The following KDM4D variants were observed in gnomAD, a reference collection of about 807,000 sequenced individuals.
KDM4D encodes lysine demethylase 4D, also known as lysine-specific demethylase 4D.
For synonymous variants in KDM4D, 254 were observed against 249.1 expected (o/e 1.02, Z -0.19); for missense variants, 427 against 674.8 (o/e 0.63, Z 4.07).
chr11:94,997,293 A>T lies in KDM4D; in HGVS notation c.-80A>T, dbSNP rs144468628. On this transcript the variant is annotated 5_prime_UTR_variant, in exon 3 of 3. Coordinates refer to ENST00000335080, the MANE Select transcript of KDM4D (RefSeq NM_018039.3). ...CTACCTCATAGATAACACCAGTCAAATTTTTTTTTAAAGTAGCATTTTCCT... is the reference window on the plus strand; with the variant it reads ...CTACCTCATAGATAACACCAGTCAATTTTTTTTTTAAAGTAGCATTTTCCT... 44 of 1,175,182 alleles carry T rather than the reference A, an allele frequency of 3.7e-5. No homozygotes were observed. The Admixed American group carries it at 7.0e-4, about 19-fold the overall frequency. The allele number at this position is 1,175,182 out of a possible 1,614,324, so 72.8% of individuals were successfully genotyped here. A position where few individuals can be genotyped will look rare whatever the true frequency, so the allele number is the denominator to read the frequency against.
intron 2 of KDM4D, among the ~76,000 whole-genome samples, chr11:94,983,272 TAAAA>T (rs34326231): frequency 1.5e-4 from 21 of 139,582 alleles, no homozygotes; most frequent in Non-Finnish European, 2.4e-4. Flanking sequence ...CTGGATTTCT[TAAAA>T]AAAAAAAAAA....
intron 2 of KDM4D, among the ~76,000 whole-genome samples, chr11:94,986,295 A>C (rs1565418344): frequency 6.6e-6 from 1 of 152,342 alleles, no homozygotes; most frequent in East Asian, 1.9e-4. Context: ...AAGGCAAATG[A>C]AAATCACAAT....
In KDM4D at chr11:94,997,782, G is replaced by T. The variant is rs1365491534; in HGVS notation, c.410G>T (p.Gly137Val). ...KNRIYNSPIY[G>V]ADISGSLFDE... ...CGCATCTATAATTCACCGATTTATG[G>T]TGCTGACATCAGTGGCTCCTTGTTT... Residue 137 changes from glycine to valine, a missense_variant, in exon 3 of 3, where the codon GGT becomes GTT. Transcript: ENST00000335080. 6.2e-7 allele frequency: 1 copy of T among 1,614,232 alleles called. No individual in the cohort carries two copies. Among genetic ancestry groups the T allele is most frequent in the Non-Finnish European group, 8.5e-7 (1 of 1,180,038 alleles).
chr11:94,987,370 GT>G (rs1254008104), intron 2 of KDM4D, among the ~76,000 whole-genome samples: 1 of 152,094 alleles, frequency 6.6e-6, no homozygotes, highest in African/African-American at 2.4e-5. Flanking sequence ...AAATATTAAG[GT>G]TTCAGTTCTG....
chr11:94,981,366 A>T (rs1027004772), intron 2 of KDM4D, among the ~76,000 whole-genome samples: 8 of 151,894 alleles, frequency 5.3e-5, no homozygotes, highest in Non-Finnish European at 8.8e-5. Context: ...CCATAAAATG[A>T]ATTGGGAAGT....
intron 2 of KDM4D, among the ~76,000 whole-genome samples, chr11:94,986,394 A>C (rs1472523236): frequency 1.3e-5 from 2 of 152,146 alleles, no homozygotes; most frequent in African/African-American, 4.8e-5. Context: ...GTTCAAGACC[A>C]GCCTGGGCAA....
At chr11:94,981,007 G>T (rs782455206) in intron 2 of KDM4D, among the ~76,000 whole-genome samples, 1 of 152,102 alleles carries the variant, frequency 6.6e-6, no homozygotes, top group Non-Finnish European at 1.5e-5. Context: ...AAGGGAAAAC[G>T]TATAACTTTC....
intron 2 of KDM4D, among the ~76,000 whole-genome samples, chr11:94,982,150 C>T (rs1231093611): frequency 6.6e-6 from 1 of 151,606 alleles, no homozygotes; most frequent in Non-Finnish European, 1.5e-5. Context: ...TTACTAACTT[C>T]ATTGTTTGTG....
At chr11:94,996,535 T>C (rs1857977189) in intron 2 of KDM4D, among the ~76,000 whole-genome samples, 1 of 152,246 alleles carries the variant, frequency 6.6e-6, no homozygotes, top group African/African-American at 2.4e-5. Context: ...ATAATGTTAC[T>C]CAATATTGAT....
rs1555099551 is a variant in KDM4D, at chr11:94,998,413, C to T, written c.1041C>T (p.His347=). 6.2e-7 allele frequency: 1 copy of T among 1,614,028 alleles called. No homozygotes were observed. The highest frequency in any genetic ancestry group is 1.7e-5 in the Admixed American group (1 of 60,030). ...GGCAAGACCGGGCAGTTGTGGACCA[C>T]ATGGAGCCCAGGGTACCAGCCAGCC... ...KRGQDRAVVD[H]MEPRVPASQE... is the part of the protein sequence containing the mutation. The change falls in exon 3 of 3, where the codon CAC becomes CAT. Residue 347 remains histidine, a synonymous_variant. Transcript: ENST00000335080. The surrounding 1 kb of genome is among the most constrained non-coding windows in gnomAD (Gnocchi z 6.7).
chr11:94,998,537 A>G lies in KDM4D; in HGVS notation c.1165A>G (p.Met389Val), dbSNP rs782383123. Residue 389 changes from methionine (M) to valine (V), a missense_variant, in exon 3 of 3, where the codon ATG becomes GTG. Coordinates refer to ENST00000335080, the MANE Select transcript of KDM4D (RefSeq NM_018039.3). This position sits in a 1 kb window ranked among gnomAD's most constrained non-coding sequence, Gnocchi z 6.7. ...CTGGGCCCGGCATTCCCCTTGGCCT[A>G]TGGCTGCCCGCAGTGGGACACGGTG... is the stretch of plus-strand genomic sequence containing the variant. ...SHWARHSPWP[M>V]AARSGTRCHT... The G allele has an allele frequency of 1.9e-6, 3 of 1,612,852 alleles. No individual in the cohort carries two copies. Among genetic ancestry groups the G allele is most frequent in the South Asian group, 1.1e-5 (1 of 91,078 alleles).
In KDM4D at chr11:94,973,919, G is replaced by A. The variant is rs1857771961; in HGVS notation, c.-594G>A. On this transcript the variant is annotated 5_prime_UTR_variant, in exon 1 of 3. Coordinates refer to ENST00000335080, the MANE Select transcript of KDM4D (RefSeq NM_018039.3). ...GCGTGGAAAAGGATTACACCAAACT[G>A]TTTAAATCCAACGACTCCTGCTTCC... is the stretch of plus-strand genomic sequence containing the variant. The A allele has an allele frequency of 6.6e-6, 1 of 152,154 alleles. No individual in the cohort carries two copies. The allele number at this position is 152,154 out of a possible 1,614,324, so 9.4% of individuals were successfully genotyped here. A position where few individuals can be genotyped will look rare whatever the true frequency, so the allele number is the denominator to read the frequency against.
intron 2 of KDM4D, among the ~76,000 whole-genome samples, chr11:94,992,779 A>G (rs1483303564): frequency 6.6e-6 from 1 of 152,208 alleles, no homozygotes; most frequent in Non-Finnish European, 1.5e-5. Flanking sequence ...GTGCAAAAGT[A>G]AAAACAAAAT....
chr11:94,997,160 A>G lies in KDM4D; in HGVS notation c.-213A>G. 2.3e-6 allele frequency: 1 copy of G among 432,050 alleles called. No homozygotes were observed. Among genetic ancestry groups the G allele is most frequent in the Non-Finnish European group, 4.0e-6 (1 of 247,194 alleles). The allele number at this position is 432,050 out of a possible 1,614,324, so 26.8% of individuals were successfully genotyped here. On this transcript the variant is annotated 5_prime_UTR_variant, in exon 3 of 3. An upstream start codon of the reference 5' UTR is lost. Coordinates refer to ENST00000335080, the MANE Select transcript of KDM4D (RefSeq NM_018039.3). ...AGAGTTGCAGGATCAGCTAACGTCAATGCCTGGGCAAAGCTGCTGCCCAGA... is the reference window on the plus strand; with the variant it reads ...AGAGTTGCAGGATCAGCTAACGTCAGTGCCTGGGCAAAGCTGCTGCCCAGA...
chr11:94,999,354 TCCCTC>T lies in KDM4D; in HGVS notation c.*411_*415del, dbSNP rs1590971331. ...CAGTCTACGCATTTCTCTCTTCCCC[TCCCTC>T]ACCCCCTTTTTCTTATAAAACTAGG... On this transcript the variant is annotated 3_prime_UTR_variant, in exon 3 of 3. Coordinates refer to ENST00000335080, the MANE Select transcript of KDM4D (RefSeq NM_018039.3). The T allele has an allele frequency of 5.9e-6, 1 of 170,560 alleles. No individual in the cohort carries two copies. The highest frequency in any genetic ancestry group is 2.1e-4 in the South Asian group (1 of 4,854). 10.6% of individuals were successfully genotyped at this position (170,560 alleles called of 1,614,324 possible). A position where few individuals can be genotyped will look rare whatever the true frequency, so the allele number is the denominator to read the frequency against.
rs587732842 is a variant in KDM4D at position 94,973,823 on chromosome 11, C to T, written c.-690C>T. 7.2e-5 allele frequency: 11 copies of T among 152,560 alleles called. No homozygotes were observed. The East Asian group carries it at 2.1e-3, about 29-fold the overall frequency. 9.5% of individuals were successfully genotyped at this position (152,560 alleles called of 1,614,324 possible). ...TCCGTCCCCGACCCCCTCCCAGACT[C>T]CTTCATTCCGGTACTGCGTGGACGG... On this transcript the variant is annotated 5_prime_UTR_variant, in exon 1 of 3. Coordinates refer to ENST00000335080, the MANE Select transcript of KDM4D (RefSeq NM_018039.3).
intron 2 of KDM4D, among the ~76,000 whole-genome samples, chr11:94,984,149 G>A (rs587686719): frequency 3.9e-5 from 6 of 152,234 alleles, no homozygotes; most frequent in Admixed American, 6.5e-5. Flanking sequence ...GCATATGTGC[G>A]TGTATGTATA....
At chr11:94,986,247 C>T (rs1555098107) in intron 2 of KDM4D, among the ~76,000 whole-genome samples, 1 of 151,982 alleles carries the variant, frequency 6.6e-6, no homozygotes, top group African/African-American at 2.4e-5. Flanking sequence ...GGCCAATAAG[C>T]TTATGAAAAG....
At position 94,998,344 on chromosome 11, in the gene KDM4D, C is replaced by T. The variant is rs587739384; in HGVS notation, c.972C>T (p.Phe324=). The T allele has an allele frequency of 3.7e-6, 6 of 1,614,046 alleles. No homozygotes were observed. Among genetic ancestry groups the T allele is most frequent in the South Asian group, 1.1e-5 (1 of 91,092 alleles). ...EARVTFSMDA[F]VRILQPERYD... ...GGGTGACCTTTTCCATGGATGCCTTCGTGCGCATCCTGCAACCTGAACGCT... is the reference window on the plus strand; with the variant it reads ...GGGTGACCTTTTCCATGGATGCCTTTGTGCGCATCCTGCAACCTGAACGCT... The change falls in exon 3 of 3, where the codon TTC becomes TTT. Residue 324 remains phenylalanine, a synonymous_variant. Coordinates refer to ENST00000335080, the MANE Select transcript of KDM4D (RefSeq NM_018039.3). This position sits in a 1 kb window ranked among gnomAD's most constrained non-coding sequence, Gnocchi z 6.7.
Sources: allele counts gnomAD v4.1 joint callset (sites outside exome capture counted in the v4.1 genomes callset), GRCh38; gene constraint gnomAD v4.1.1; non-coding constraint Gnocchi (gnomAD v3.1); transcripts MANE v1.5; gene names NCBI Gene and HGNC (gene_info 2026-07-23, HGNC 2026-07-21).